Variants in ADGRB3 observed in about 807,000 individuals in gnomAD.
ADGRB3 encodes adhesion G protein-coupled receptor B3.
In ADGRB3, 37 loss-of-function variants were observed where a neutral mutation model predicts 193.4. That is an observed-to-expected ratio of 0.19 (90% CI 0.15 to 0.25). The LOEUF (loss-of-function observed/expected upper bound fraction) is 0.25. Ranked by LOEUF, ADGRB3 falls within the 10% of genes least tolerant of loss-of-function variation. The pLI, the probability that ADGRB3 is intolerant of heterozygous loss-of-function variation, is 1.00. For missense variants in ADGRB3, 1,637 were observed against 1,852.9 expected, an observed-to-expected ratio of 0.88 and a Z score of 2.14; for synonymous variants, 690 against 644.2, an observed-to-expected ratio of 1.07 and a Z score of -1.08.
At position 68,927,370 on chromosome 6, in the gene ADGRB3, G is replaced by A. The variant is rs964324435; in HGVS notation, c.758-3189G>A. 2.0e-5 allele frequency among the ~76,000 whole-genome samples: 3 copies of A among 152,056 alleles called. No homozygotes were observed. In the South Asian group the frequency reaches 6.2e-4, roughly 32 times the overall value. ...TTATATTATTCAGAAAGCCTACTATGCTAAAAGTTTACCTCAACCCACATT... is the reference window on the plus strand; with the variant it reads ...TTATATTATTCAGAAAGCCTACTATACTAAAAGTTTACCTCAACCCACATT... On this transcript the variant is annotated intron_variant, in intron 3 of 31. Coordinates refer to ENST00000370598, the MANE Select transcript of ADGRB3 (RefSeq NM_001704.3).
intron 13 of ADGRB3, among the ~76,000 whole-genome samples, chr6:69,035,438 A>G (rs1433733128): frequency 1.3e-5 from 2 of 152,140 alleles, no homozygotes; most frequent in Non-Finnish European, 2.9e-5. Context: ...AGGACCTGAT[A>G]TAATAATTAG....
intron 3 of ADGRB3, among the ~76,000 whole-genome samples, chr6:68,800,308 C>T (rs1026899099): frequency 3.9e-5 from 6 of 152,048 alleles, no homozygotes; most frequent in Non-Finnish European, 7.4e-5. Flanking sequence ...TGGGGAAGAA[C>T]AAATCAAAAA....
intron 3 of ADGRB3, among the ~76,000 whole-genome samples, chr6:68,709,505 G>T (rs906192888): frequency 6.6e-6 from 1 of 152,160 alleles, no homozygotes; most frequent in Non-Finnish European, 1.5e-5. Flanking sequence ...TAATGAATTT[G>T]CCAGAGGAAT....
At chr6:68,821,672 A>G (rs1294364662) in intron 3 of ADGRB3, among the ~76,000 whole-genome samples, 1 of 151,750 alleles carries the variant, frequency 6.6e-6, no homozygotes, top group Non-Finnish European at 1.5e-5. Context: ...ATAGTGTCAT[A>G]TAAATCTGAA....
intron 20 of ADGRB3, 152 bp from the exon 21 acceptor site, chr6:69,324,720 T>C (rs1768531524): frequency 3.3e-6 from 3 of 914,300 alleles, no homozygotes; most frequent in Non-Finnish European, 3.2e-6. Flanking sequence ...CTATAGGGTT[T>C]ATAATTTCTG....
At chr6:69,141,097 T>C (rs376538439) in intron 17 of ADGRB3, among the ~76,000 whole-genome samples, 1 of 139,084 alleles carries the variant, frequency 7.2e-6, no homozygotes, top group East Asian at 2.2e-4. Context: ...AGGAAGTCAG[T>C]TTGGGGCAGG....
At position 69,084,030 on chromosome 6, in the gene ADGRB3, C is replaced by T. The variant is rs368399677; in HGVS notation, c.2480+7992C>T. ...CCTCAAGTGATTCACCCACCTCGGCCTCCCAAAGTGCTGGGATTACAGGCA... is the reference window on the plus strand; with the variant it reads ...CCTCAAGTGATTCACCCACCTCGGCTTCCCAAAGTGCTGGGATTACAGGCA... On this transcript the variant is annotated intron_variant, in intron 17 of 31. Coordinates refer to ENST00000370598, the MANE Select transcript of ADGRB3 (RefSeq NM_001704.3). Among the ~76,000 whole-genome samples, 3 of 152,106 alleles carry T rather than the reference C, an allele frequency of 2.0e-5. No homozygotes were observed. In the East Asian group the frequency reaches 5.8e-4, roughly 29 times the overall value.
intron 17 of ADGRB3, among the ~76,000 whole-genome samples, chr6:69,140,755 G>A (rs1452706561): frequency 2.0e-5 from 3 of 151,832 alleles, no homozygotes; most frequent in Non-Finnish European, 2.9e-5. Flanking sequence ...ATAATATTTT[G>A]TGTAACCCAT....
chr6:68,950,461 G>A (rs1333571560), intron 6 of ADGRB3, among the ~76,000 whole-genome samples: 1 of 152,112 alleles, frequency 6.6e-6, no homozygotes, highest in Admixed American at 6.6e-5. Context: ...AATTAAATTT[G>A]AGAAGTAAAT....
chr6:69,275,673 T>G (rs934711306), intron 20 of ADGRB3, among the ~76,000 whole-genome samples: 1 of 151,970 alleles, frequency 6.6e-6, no homozygotes, highest in Non-Finnish European at 1.5e-5. Flanking sequence ...TTAAATATAT[T>G]TTTGTTATAG....
intron 3 of ADGRB3, among the ~76,000 whole-genome samples, chr6:68,722,545 A>C (rs1275806137): frequency 6.6e-6 from 1 of 151,648 alleles, no homozygotes; most frequent in Non-Finnish European, 1.5e-5. Flanking sequence ...GACGCTTAAA[A>C]GATGAAGTTA....
chr6:69,350,680 T>A (rs1769202855), intron 26 of ADGRB3, among the ~76,000 whole-genome samples: 1 of 152,138 alleles, frequency 6.6e-6, no homozygotes. Flanking sequence ...AAGAATAATA[T>A]TATTGCCAGG....
intron 11 of ADGRB3, among the ~76,000 whole-genome samples, chr6:68,999,913 T>A (rs1366785350): frequency 6.6e-6 from 1 of 152,150 alleles, no homozygotes; most frequent in African/African-American, 2.4e-5. Context: ...CTTACATTGT[T>A]TCACAAAATA....
chr6:68,779,987 A>G (rs1766823359), intron 3 of ADGRB3, among the ~76,000 whole-genome samples: 1 of 152,114 alleles, frequency 6.6e-6, no homozygotes, highest in Non-Finnish European at 1.5e-5. Flanking sequence ...CAGCTTGAAG[A>G]ATTCCATTTA....
intron 3 of ADGRB3, among the ~76,000 whole-genome samples, chr6:68,791,800 G>A (rs933582429): frequency 6.6e-6 from 1 of 152,128 alleles, no homozygotes; most frequent in Non-Finnish European, 1.5e-5. Context: ...TTTAAATAAA[G>A]TAAATTAAAA....
At chr6:69,387,875 C>T (rs113460820) in intron 31 of ADGRB3, among the ~76,000 whole-genome samples, 56 of 151,840 alleles carry the variant, frequency 3.7e-4, no homozygotes, top group African/African-American at 1.2e-3. Flanking sequence ...GGCTTACACT[C>T]GACAACTATA....
chr6:69,161,609 T>G (rs943830799), intron 17 of ADGRB3, among the ~76,000 whole-genome samples: 1 of 152,110 alleles, frequency 6.6e-6, no homozygotes. Flanking sequence ...TTTACTGACT[T>G]AAAATAATGA....
chr6:68,861,557 A>G (rs1364643999), intron 3 of ADGRB3, among the ~76,000 whole-genome samples: 4 of 152,036 alleles, frequency 2.6e-5, no homozygotes, highest in African/African-American at 7.2e-5. Flanking sequence ...GCGAGACTCC[A>G]TCTCCAAAAA....
intron 17 of ADGRB3, among the ~76,000 whole-genome samples, chr6:69,184,505 G>A (rs1765029787): frequency 6.6e-6 from 1 of 152,042 alleles, no homozygotes; most frequent in Admixed American, 6.5e-5. Context: ...TGTACATGAA[G>A]TTTTATAATT....
Sources: allele counts gnomAD v4.1 joint callset (sites outside exome capture counted in the v4.1 genomes callset), GRCh38; gene constraint gnomAD v4.1.1; transcripts MANE v1.5; gene names NCBI Gene and HGNC (gene_info 2026-07-23, HGNC 2026-07-21).